Variants in FSIP2 observed in about 807,000 individuals in gnomAD.
FSIP2 encodes the protein fibrous sheath-interacting protein 2.
In FSIP2, 367 loss-of-function variants were observed where a neutral mutation model predicts 510.5. That is an observed-to-expected ratio of 0.72 (90% confidence interval 0.66 to 0.78). The LOEUF is 0.78. Among genes scored for constraint, FSIP2 ranks in the 30% least tolerant of loss-of-function variants. The pLI is 0.00. For synonymous variants in FSIP2, 2,601 were observed against 2,732.2 expected, an observed-to-expected ratio of 0.95 and a Z score of 1.50; for missense variants, 7,594 against 7,901.7, an observed-to-expected ratio of 0.96 and a Z score of 1.48.
At chr2:185,827,242 G>A (rs1305428067) in intron 20 of FSIP2, among the ~76,000 whole-genome samples, 7 of 151,776 alleles carry the variant, frequency 4.6e-5, no homozygotes, top group Non-Finnish European at 1.0e-4. Context: ...TATTTGAGCT[G>A]ATTGAGATTT....
In FSIP2 at chr2:185,801,753, G is replaced by A. The variant is rs200728062; in HGVS notation, c.12447G>A (p.Arg4149=). 5 of 1,527,948 alleles carry A rather than the reference G, an allele frequency of 3.3e-6. No homozygotes were observed. The highest frequency in any genetic ancestry group is 1.4e-5 in the African/African-American group (1 of 72,544). 94.6% of individuals were successfully genotyped at this position (1,527,948 alleles called of 1,614,324 possible). The change falls in exon 17 of 23, where the codon AGG becomes AGA. Residue 4149 remains arginine, a synonymous_variant. Coordinates refer to ENST00000424728, the MANE Select transcript of FSIP2 (RefSeq NM_173651.4). ...SHSFLEDVIR[R]LLSQLIPPPI... is the part of the protein sequence containing the mutation. ...CATTTTTAGAAGATGTCATAAGAAGGCTTTTATCTCAGCTAATTCCTCCAC... is the reference window on the plus strand; with the variant it reads ...CATTTTTAGAAGATGTCATAAGAAGACTTTTATCTCAGCTAATTCCTCCAC...
chr2:185,795,898 T>G lies in FSIP2; in HGVS notation c.8762T>G (p.Val2921Gly). Residue 2921 changes from valine to glycine, a missense_variant, in exon 16 of 23, where the codon GTT (valine) becomes GGT (glycine). By Grantham distance (109) the Val-to-Gly change is moderately radical (BLOSUM62 -3). Coordinates refer to ENST00000424728, the MANE Select transcript of FSIP2 (RefSeq NM_173651.4). ...AQINMFGREI[V>G]EMLLEKLQLC... The stretch of plus-strand genomic sequence containing the variant: ...ATTAATATGTTTGGAAGGGAAATTG[T>G]TGAAATGCTACTTGAAAAACTACAG... The G allele has an allele frequency of 1.3e-6, 2 of 1,533,762 alleles. No homozygotes were observed. The highest frequency in any genetic ancestry group is 1.7e-6 in the Non-Finnish European group (2 of 1,145,720).
At chr2:185,747,974 C>T (rs1185682724) in intron 7 of FSIP2, among the ~76,000 whole-genome samples, 1 of 151,804 alleles carries the variant, frequency 6.6e-6, no homozygotes, top group African/African-American at 2.4e-5. Context: ...CTGTTTTTTT[C>T]ATGTAATAAA....
chr2:185,805,555 CA>C lies in FSIP2; in HGVS notation c.16252del (p.Arg5418GlyfsTer13). 1 of 1,611,170 alleles carries C rather than the reference CA, an allele frequency of 6.2e-7. No individual in the cohort carries two copies. The highest frequency in any genetic ancestry group is 8.5e-7 in the Non-Finnish European group (1 of 1,178,374). On this transcript the variant is annotated frameshift_variant, in exon 17 of 23. Transcript: ENST00000424728. LOFTEE classifies it high-confidence loss of function. Reference sequence around the variant, plus strand: ...ATTTCTAAATCCAGATAATATCACCCAAAGGGTTCAACACCTACCACAAAAC... The same window carrying C: ...ATTTCTAAATCCAGATAATATCACCCAAGGGTTCAACACCTACCACAAAAC... ...FSFLNPDNIT[Q>X]RVQHLPQNTF... is the part of the protein sequence containing the mutation.
At chr2:185,820,282 A>G (rs922254251) in intron 19 of FSIP2, among the ~76,000 whole-genome samples, 19 of 151,766 alleles carry the variant, frequency 1.3e-4, no homozygotes, top group African/African-American at 4.6e-4. Context: ...CACCTGGTGA[A>G]GAAGGATATG....
intron 3 of FSIP2, 74 bp from the exon 4 acceptor site, chr2:185,744,248 A>G: frequency 3.8e-6 from 1 of 265,996 alleles, no homozygotes. Context: ...TTAAAAATAT[A>G]TTTAAAATAT....
chr2:185,784,999 C>A (rs1046379483), intron 14 of FSIP2, among the ~76,000 whole-genome samples: 5 of 152,040 alleles, frequency 3.3e-5, no homozygotes, highest in Non-Finnish European at 7.4e-5. Flanking sequence ...TACCTGTAGG[C>A]CTTTGCACTT....
intron 13 of FSIP2, among the ~76,000 whole-genome samples, chr2:185,771,794 C>A (rs1411838399): frequency 1.3e-5 from 2 of 152,142 alleles, no homozygotes; most frequent in Admixed American, 6.5e-5. Context: ...TTGAAAACAC[C>A]CTTTCCTTTT....
At position 185,796,926 on chromosome 2, in the gene FSIP2, C is replaced by T. The variant is rs1467310175; in HGVS notation, c.9790C>T (p.Leu3264Phe). The T allele has an allele frequency of 6.5e-7, 1 of 1,534,878 alleles. No individual in the cohort carries two copies. Among genetic ancestry groups the T allele is most frequent in the Non-Finnish European group, 8.7e-7 (1 of 1,146,200 alleles). Residue 3264 changes from leucine (L) to phenylalanine (F), a missense_variant, in exon 16 of 23, where the codon CTC (leucine) becomes TTC (phenylalanine). Coordinates refer to ENST00000424728, the MANE Select transcript of FSIP2 (RefSeq NM_173651.4). ...FDQTMKGNSY[L>F]PEGSFLQKLL... ...TCAGACCATGAAAGGAAATAGCTAC[C>T]TCCCTGAAGGCAGTTTCTTACAAAA...
intron 15 of FSIP2, among the ~76,000 whole-genome samples, chr2:185,786,876 G>A (rs543207065): frequency 5.3e-5 from 8 of 151,926 alleles, no homozygotes; most frequent in Non-Finnish European, 7.4e-5. Context: ...AGAATATGCA[G>A]CAAATACAAA....
chr2:185,808,715 T>C lies in FSIP2; in HGVS notation c.19409T>C (p.Ile6470Thr). Reference protein sequence around the residue: ...DGVSSFPLDTINSTISNADLS... With the variant: ...DGVSSFPLDTTNSTISNADLS... Reference sequence around the variant, plus strand: ...GTTTCAAGTTTTCCATTAGATACAATTAACTCAACAATTTCAAATGCTGAT... The same window carrying C: ...GTTTCAAGTTTTCCATTAGATACAACTAACTCAACAATTTCAAATGCTGAT... Residue 6470 changes from isoleucine (I) to threonine (T), a missense_variant, in exon 17 of 23, where the codon ATT becomes ACT. Ile to Thr is a moderately conservative substitution (Grantham distance 89). Coordinates refer to ENST00000424728, the MANE Select transcript of FSIP2 (RefSeq NM_173651.4). 2 of 1,612,112 alleles carry C rather than the reference T, an allele frequency of 1.2e-6. No individual in the cohort carries two copies. The highest frequency in any genetic ancestry group is 1.7e-6 in the Non-Finnish European group (2 of 1,178,932).
rs913116238 is a variant in FSIP2, at chr2:185,747,356, A to C, written c.803A>C (p.Glu268Ala). 1 of 1,532,964 alleles carries C rather than the reference A, an allele frequency of 6.5e-7. No homozygotes were observed. Among genetic ancestry groups the C allele is most frequent in the African/African-American group, 1.4e-5 (1 of 72,936 alleles). The allele number at this position is 1,532,964 out of a possible 1,614,324, so 95.0% of individuals were successfully genotyped here. A position where few individuals can be genotyped will look rare whatever the true frequency, so the allele number is the denominator to read the frequency against. The change falls in exon 7 of 23, where the codon GAA becomes GCA. Residue 268 changes from glutamate to alanine, a missense_variant. Glu to Ala is a moderately radical substitution (Grantham distance 107). Coordinates refer to ENST00000424728, the MANE Select transcript of FSIP2 (RefSeq NM_173651.4). ...ATGTTACTTCTGACAAGGATGGCAG[A>C]AGATGTTAAAAGAGAAGAGAGGATA... ...KEMLLLTRMAEDVKREERIEE... is the reference protein window; with the variant it reads ...KEMLLLTRMAADVKREERIEE...
At chr2:185,758,988 T>C (rs1318988087) in intron 9 of FSIP2, among the ~76,000 whole-genome samples, 1 of 151,102 alleles carries the variant, frequency 6.6e-6, no homozygotes, top group East Asian at 1.9e-4. Flanking sequence ...AACTTGCCAA[T>C]TTTTACAAAA....
rs558800603 is a variant in FSIP2 at position 185,747,178 on chromosome 2, C to T, written c.760-135C>T. 27 of 569,536 alleles carry T rather than the reference C, an allele frequency of 4.7e-5. No homozygotes were observed. In the South Asian group the frequency reaches 5.0e-4, roughly 11 times the overall value. 35.3% of individuals were successfully genotyped at this position (569,536 alleles called of 1,614,324 possible). On this transcript the variant is annotated intron_variant, in intron 6 of 22. Transcript: ENST00000424728. Reference sequence around the variant, plus strand: ...TAAGAAAAGTATATTCTAAACCGAACGTATGCCTTTCATTATGCTTAACCT... The same window carrying T: ...TAAGAAAAGTATATTCTAAACCGAATGTATGCCTTTCATTATGCTTAACCT...
chr2:185,756,203 A>C lies in FSIP2; in HGVS notation c.1003A>C (p.Asn335His). 7.9e-7 allele frequency: 1 copy of C among 1,273,730 alleles called. No homozygotes were observed. Among genetic ancestry groups the C allele is most frequent in the Non-Finnish European group, 1.1e-6 (1 of 931,406 alleles). The allele number at this position is 1,273,730 out of a possible 1,614,324, so 78.9% of individuals were successfully genotyped here. Reference sequence around the variant, plus strand: ...TATATTTCTTTAAGCTTCTCCAAAGAATAAAAAGAAGACTTCTGAAGATAT... The same window carrying C: ...TATATTTCTTTAAGCTTCTCCAAAGCATAAAAAGAAGACTTCTGAAGATAT... ...GQDGTHASPKNKKKTSEDIML... is the reference protein window; with the variant it reads ...GQDGTHASPKHKKKTSEDIML... The change falls in exon 9 of 23, where the codon AAT becomes CAT. Residue 335 changes from asparagine (N) to histidine (H), a missense_variant. Coordinates refer to ENST00000424728, the MANE Select transcript of FSIP2 (RefSeq NM_173651.4).
At chr2:185,738,017 TG>T (rs1691820090), upstream of FSIP2, among the ~76,000 whole-genome samples, 1 of 152,150 alleles carries the variant, frequency 6.6e-6, no homozygotes, top group Non-Finnish European at 1.5e-5. Flanking sequence ...TCTGAAGAAA[TG>T]GTAACTGTTA....
At chr2:185,766,471 GA>G (rs1193549453) in intron 13 of FSIP2, 1 of 147,650 alleles carries the variant, frequency 6.8e-6, no homozygotes, top group Non-Finnish European at 1.5e-5. Flanking sequence ...AAATTTACAA[GA>G]AAAAAACAAA....
Position 185,805,762 on chromosome 2 carries a change from G to T in FSIP2, c.16456G>T (p.Asp5486Tyr). Residue 5486 changes from aspartate to tyrosine, a missense_variant, in exon 17 of 23, where the codon GAC becomes TAC. Physicochemically the swap from Asp to Tyr is radical, Grantham distance 160 (BLOSUM62 -3). Coordinates refer to ENST00000424728, the MANE Select transcript of FSIP2 (RefSeq NM_173651.4). ...KTKDTSVKKG[D>Y]IQNPVLSSIN... ...CAAGGACACATCAGTGAAAAAAGGTGACATCCAAAATCCAGTACTTAGCTC... is the reference window on the plus strand; with the variant it reads ...CAAGGACACATCAGTGAAAAAAGGTTACATCCAAAATCCAGTACTTAGCTC... 1 of 1,600,460 alleles carries T rather than the reference G, an allele frequency of 6.2e-7. No individual in the cohort carries two copies. The highest frequency in any genetic ancestry group is 1.1e-5 in the South Asian group (1 of 88,386).
chr2:185,769,168 G>T (rs781199798), intron 13 of FSIP2, among the ~76,000 whole-genome samples: 1 of 152,146 alleles, frequency 6.6e-6, no homozygotes, highest in Non-Finnish European at 1.5e-5. Context: ...GGATCTCAGG[G>T]TCAAATGGTA....
Sources: gnomAD v4.1 joint callset for allele counts (sites outside exome capture counted in the v4.1 genomes callset) on GRCh38, gnomAD v4.1.1 for gene constraint, MANE v1.5 for transcripts, NCBI Gene and HGNC (gene_info 2026-07-23, HGNC 2026-07-21) for gene names.